MYO10: variants seen among roughly 807,000 people sequenced by gnomAD.
The protein encoded by MYO10 is unconventional myosin-X.
Under a neutral mutation model 257.3 loss-of-function variants are expected in MYO10, and 133 were observed. The ratio of observed to expected loss-of-function variants is 0.52; its 90% confidence interval spans 0.45 to 0.60. MYO10 has a LOEUF of 0.60. Among genes scored for constraint, MYO10 ranks in the 20% least tolerant of loss-of-function variants. The pLI, the probability that MYO10 is intolerant of heterozygous loss-of-function variation, is 0.00. For missense variants in MYO10, 2,399 were observed against 2,635.7 expected, an observed-to-expected ratio of 0.91 and a Z score of 1.97; for synonymous variants, 1,104 against 1,028.6, an observed-to-expected ratio of 1.07 and a Z score of -1.40.
At chr5:16,879,876 T>A (rs1243280268) in intron 1 of MYO10, among the ~76,000 whole-genome samples, 3 of 152,152 alleles carry the variant, frequency 2.0e-5, no homozygotes, top group African/African-American at 7.2e-5. Context: ...GATAACACTG[T>A]TTAAAATCCA....
intron 19 of MYO10, among the ~76,000 whole-genome samples, chr5:16,738,804 T>C (rs1184896357): frequency 1.3e-5 from 2 of 149,490 alleles, no homozygotes; most frequent in Non-Finnish European, 3.0e-5. Flanking sequence ...GGCAGGAGAA[T>C]TGCATGAACC....
chr5:16,757,869 T>A (rs1482168143), intron 18 of MYO10, among the ~76,000 whole-genome samples: 12 of 152,198 alleles, frequency 7.9e-5, no homozygotes, highest in Admixed American at 7.9e-4. Context: ...TTCACCATGT[T>A]GCCCCGGCTG....
intron 26 of MYO10, among the ~76,000 whole-genome samples, chr5:16,697,530 T>C (rs972317589): frequency 1.3e-5 from 2 of 151,918 alleles, no homozygotes; most frequent in Non-Finnish European, 2.9e-5. Context: ...TGAAACCCTG[T>C]CTCTACTAAA....
intron 19 of MYO10, among the ~76,000 whole-genome samples, chr5:16,743,519 T>G (rs981949597): frequency 7.9e-5 from 12 of 152,018 alleles, no homozygotes; most frequent in Non-Finnish European, 1.2e-4. Context: ...AGTGCACACC[T>G]GTAGTCCCAG....
intron 19 of MYO10, among the ~76,000 whole-genome samples, chr5:16,741,632 T>C (rs535288874): frequency 4.9e-4 from 74 of 152,322 alleles, no homozygotes; most frequent in African/African-American, 1.7e-3. Flanking sequence ...AATTTGTAGT[T>C]CAAACTTGTA....
In MYO10 at chr5:16,836,155, C is replaced by T. The variant is rs184591788; in HGVS notation, c.121-17988G>A. On this transcript the variant is annotated intron_variant, in intron 2 of 40. Transcript: ENST00000513610. ...TCACTCCTTGCCTAACTTCTCATCC[C>T]CCTCCCAAAAAGAGTGTCTGGAGAT... is the stretch of plus-strand genomic sequence containing the variant. Among the ~76,000 whole-genome samples the T allele has an allele frequency of 4.9e-3, 741 of 152,240 alleles. 6 individuals carry two copies. Among genetic ancestry groups the T allele is most frequent in the Non-Finnish European group, 7.7e-3 (523 of 68,018 alleles).
rs556604016 is a variant in MYO10 at position 16,921,547 on chromosome 5, T to C, written c.21+14241A>G. Among the ~76,000 whole-genome samples the C allele has an allele frequency of 1.3e-5, 2 of 151,036 alleles. 1 individual carries two copies. Among genetic ancestry groups the C allele is most frequent in the South Asian group, 4.2e-4 (2 of 4,774 alleles). On this transcript the variant is annotated intron_variant, in intron 1 of 40. Transcript: ENST00000513610. ...TAAAATTTCCACACTGATAAATGTGTGGTCTCCCACACATTTACTACTGTG... is the reference window on the plus strand; with the variant it reads ...TAAAATTTCCACACTGATAAATGTGCGGTCTCCCACACATTTACTACTGTG...
chr5:16,674,580 T>A (rs77812578), intron 35 of MYO10, among the ~76,000 whole-genome samples: 9,874 of 141,816 alleles, frequency 0.07, 429 homozygotes, highest in Non-Finnish European at 0.099. Flanking sequence ...TTTTTTTTTT[T>A]AAATATAGAG....
chr5:16,682,921 G>A (rs1004132613), intron 30 of MYO10, among the ~76,000 whole-genome samples: 2 of 152,184 alleles, frequency 1.3e-5, no homozygotes, highest in East Asian at 1.9e-4. Context: ...CAGCCTGGAG[G>A]AGTGAAGGGC....
At position 16,838,595 on chromosome 5, in the gene MYO10, C is replaced by T. The variant is rs377554617; in HGVS notation, c.121-20428G>A. ...GGACATGTTGACAAAGAAGCTGCAG[C>T]AAGTTATTCAGAAGATCTAAATAAG... On this transcript the variant is annotated intron_variant, in intron 2 of 40. Transcript: ENST00000513610. 1.2e-4 allele frequency among the ~76,000 whole-genome samples: 19 copies of T among 152,268 alleles called. No homozygotes were observed. In the East Asian group the frequency reaches 3.5e-3, roughly 28 times the overall value.
At chr5:16,768,770 G>GGT (rs1740958453) in intron 10 of MYO10, among the ~76,000 whole-genome samples, 4 of 146,030 alleles carry the variant, frequency 2.7e-5, no homozygotes, top group Non-Finnish European at 4.5e-5. Context: ...AACCCGCAGA[G>GGT]GCTCAGGTGA....
chr5:16,681,586 C>T (rs1737004168), intron 31 of MYO10, 83 bp from the exon 32 acceptor site: 6 of 1,355,548 alleles, frequency 4.4e-6, no homozygotes, highest in South Asian at 1.4e-5. Context: ...AATGCTAACA[C>T]ATGGGTGGGG....
intron 37 of MYO10, among the ~76,000 whole-genome samples, chr5:16,672,007 T>C (rs1223858318): frequency 6.6e-6 from 1 of 152,148 alleles, no homozygotes; most frequent in Non-Finnish European, 1.5e-5. Context: ...ATAGCGTAGG[T>C]CTACAGGCCA....
intron 1 of MYO10, among the ~76,000 whole-genome samples, chr5:16,926,667 A>G (rs1273913224): frequency 6.6e-6 from 1 of 151,194 alleles, no homozygotes; most frequent in Non-Finnish European, 1.5e-5. Flanking sequence ...GCGCCACTAC[A>G]CTCCAGCCTG....
chr5:16,780,817 T>C (rs1026327965), intron 6 of MYO10, 76 bp from the exon 7 acceptor site: 5 of 1,391,610 alleles, frequency 3.6e-6, no homozygotes, highest in South Asian at 1.3e-5. Flanking sequence ...TTTCATTTTC[T>C]ATTCTTTGGT....
intron 11 of MYO10, among the ~76,000 whole-genome samples, chr5:16,765,533 C>T (rs1740837883): frequency 6.6e-6 from 1 of 152,244 alleles, no homozygotes; most frequent in South Asian, 2.1e-4. Flanking sequence ...AACCCTAATA[C>T]AAAGAGCTAG....
At chr5:16,688,364 G>A (rs1473066586) in intron 28 of MYO10, among the ~76,000 whole-genome samples, 1 of 152,134 alleles carries the variant, frequency 6.6e-6, no homozygotes, top group Non-Finnish European at 1.5e-5. Context: ...GTAGTGAGGG[G>A]TCCTGAGAAC....
chr5:16,872,933 G>C lies in MYO10; in HGVS notation c.120+4676C>G, dbSNP rs944367586. On this transcript the variant is annotated intron_variant, in intron 2 of 40. Coordinates refer to ENST00000513610, the MANE Select transcript of MYO10 (RefSeq NM_012334.3). ...AATTCTGGGAGATACAATCCAAGTT[G>C]AGATTTGGGTAGGGACACAGGCAAA... 4.6e-5 allele frequency among the ~76,000 whole-genome samples: 7 copies of C among 152,146 alleles called. No individual in the cohort carries two copies. In the East Asian group the frequency reaches 1.3e-3, roughly 29 times the overall value.
At chr5:16,919,532 C>A (rs1326312566) in intron 1 of MYO10, among the ~76,000 whole-genome samples, 1 of 152,156 alleles carries the variant, frequency 6.6e-6, no homozygotes, top group African/African-American at 2.4e-5. Flanking sequence ...CTCTAAGACT[C>A]TGTGTTCTCA....
Sources: gnomAD v4.1 joint callset for allele counts (sites outside exome capture counted in the v4.1 genomes callset) on GRCh38, gnomAD v4.1.1 for gene constraint, MANE v1.5 for transcripts, NCBI Gene and HGNC (gene_info 2026-07-23, HGNC 2026-07-21) for gene names.